ATRNL1: variants seen among roughly 807,000 people sequenced by gnomAD.
ATRNL1 encodes the protein attractin like 1.
Under a neutral mutation model 182.7 loss-of-function variants are expected in ATRNL1, and 95 were observed. That is an observed-to-expected ratio of 0.52 (90% CI 0.44 to 0.62). The LOEUF (loss-of-function observed/expected upper bound fraction) is 0.62, where lower values mean the gene tolerates loss of function less well. Ranked by LOEUF, ATRNL1 falls within the 20% of genes least tolerant of loss-of-function variation. The pLI is 0.00. For missense variants in ATRNL1, 1,471 were observed against 1,679.5 expected, an observed-to-expected ratio of 0.88 and a Z score of 2.17; for synonymous variants, 576 against 568.3, an observed-to-expected ratio of 1.01 and a Z score of -0.19.
intron 21 of ATRNL1, among the ~76,000 whole-genome samples, chr10:115,449,352 A>G (rs1847170470): frequency 6.6e-6 from 1 of 152,116 alleles, no homozygotes; most frequent in African/African-American, 2.4e-5. Flanking sequence ...ACTCCGGGGA[A>G]AGACCACCTT....
At chr10:115,209,189 T>G (rs1490142032) in intron 8 of ATRNL1, among the ~76,000 whole-genome samples, 1 of 151,652 alleles carries the variant, frequency 6.6e-6, no homozygotes, top group Non-Finnish European at 1.5e-5. Flanking sequence ...AGTAAAATAT[T>G]TATTTCTCTT....
At chr10:115,808,756 C>G (rs1024950771) in intron 27 of ATRNL1, among the ~76,000 whole-genome samples, 13 of 152,182 alleles carry the variant, frequency 8.5e-5, no homozygotes, top group Admixed American at 7.9e-4. Flanking sequence ...TTTTCCATTT[C>G]CCTCATGACT....
intron 25 of ATRNL1, among the ~76,000 whole-genome samples, chr10:115,541,199 A>T (rs576926075): frequency 6.6e-6 from 1 of 152,348 alleles, no homozygotes; most frequent in African/African-American, 2.4e-5. Context: ...TATGTAACTC[A>T]TATAAATCAA....
At chr10:115,493,460 G>T (rs1261092912) in intron 24 of ATRNL1, among the ~76,000 whole-genome samples, 2 of 152,026 alleles carry the variant, frequency 1.3e-5, no homozygotes, top group African/African-American at 2.4e-5. Flanking sequence ...TCTTTTTATG[G>T]CTGTATAGTA....
rs1554957681 is a variant in ATRNL1 at position 115,404,229 on chromosome 10, A to G, written c.3269+9477A>G. ...TACCAACACCTTGTCCCTCAAAACT[A>G]TACTAGATTGAATGTCATTTAATCG... On this transcript the variant is annotated intron_variant, in intron 20 of 28. Coordinates refer to ENST00000355044, the MANE Select transcript of ATRNL1 (RefSeq NM_207303.4). Among the ~76,000 whole-genome samples, 6 of 152,190 alleles carry G rather than the reference A, an allele frequency of 3.9e-5. No individual in the cohort carries two copies. The South Asian group carries it at 1.0e-3, about 26-fold the overall frequency.
chr10:115,657,304 G>A (rs1371301537), intron 26 of ATRNL1, among the ~76,000 whole-genome samples: 5 of 152,114 alleles, frequency 3.3e-5, no homozygotes, highest in African/African-American at 1.2e-4. Flanking sequence ...GAAATAGATG[G>A]CTACAGATGC....
rs1264564182 is a variant in ATRNL1, at chr10:115,260,845, AG to A, written c.1688-4345del. 2.0e-5 allele frequency among the ~76,000 whole-genome samples: 3 copies of A among 152,152 alleles called. No homozygotes were observed. The East Asian group carries it at 5.8e-4, about 29-fold the overall frequency. ...TATGAATAATGGACAAATGGAAAAT[AG>A]GGTAAAAAATGAGAAATTTAATATG... On this transcript the variant is annotated intron_variant, in intron 10 of 28. Transcript: ENST00000355044.
chr10:115,526,177 T>C (rs1851207459), intron 25 of ATRNL1, among the ~76,000 whole-genome samples: 2 of 152,272 alleles, frequency 1.3e-5, no homozygotes, highest in South Asian at 4.1e-4. Flanking sequence ...ATATTTCAGG[T>C]TCCTAGGTCT....
chr10:115,493,235 A>T (rs1488635908), intron 24 of ATRNL1, among the ~76,000 whole-genome samples: 2 of 152,054 alleles, frequency 1.3e-5, no homozygotes, highest in Non-Finnish European at 2.9e-5. Context: ...CATAGTACAC[A>T]ATAGGTAGTT....
At chr10:115,571,314 A>G (rs1442150352) in intron 26 of ATRNL1, among the ~76,000 whole-genome samples, 1 of 152,202 alleles carries the variant, frequency 6.6e-6, no homozygotes, top group Admixed American at 6.5e-5. Flanking sequence ...GGAAGGAGTG[A>G]TGAAGAATTT....
chr10:115,150,906 G>A (rs903734378), intron 5 of ATRNL1, among the ~76,000 whole-genome samples: 5 of 152,080 alleles, frequency 3.3e-5, no homozygotes, highest in Admixed American at 1.3e-4. Context: ...TTGGTGTGAT[G>A]TTTCCCTTCC....
intron 28 of ATRNL1, among the ~76,000 whole-genome samples, chr10:115,933,464 G>A (rs979793782): frequency 7.7e-5 from 11 of 143,630 alleles, no homozygotes; most frequent in African/African-American, 2.1e-4. Context: ...ACTTCACAGC[G>A]ATGCTGTGGC....
intron 8 of ATRNL1, among the ~76,000 whole-genome samples, chr10:115,171,768 A>G (rs1477390780): frequency 5.3e-5 from 8 of 152,010 alleles, no homozygotes; most frequent in African/African-American, 1.9e-4. Context: ...AGAGATTATT[A>G]TCTGTTATGT....
chr10:115,792,482 A>C (rs1474917302), intron 27 of ATRNL1, among the ~76,000 whole-genome samples: 1 of 152,044 alleles, frequency 6.6e-6, no homozygotes, highest in Non-Finnish European at 1.5e-5. Flanking sequence ...TTCTGTTGAG[A>C]ATATTGCCGT....
intron 9 of ATRNL1, among the ~76,000 whole-genome samples, chr10:115,234,514 C>T (rs924959478): frequency 1.3e-5 from 2 of 151,364 alleles, no homozygotes; most frequent in Non-Finnish European, 2.9e-5. Context: ...TAATCTAACA[C>T]ATTTAATTTT....
chr10:115,784,646 A>G (rs1359829671), intron 27 of ATRNL1, among the ~76,000 whole-genome samples: 2 of 152,136 alleles, frequency 1.3e-5, no homozygotes, highest in Non-Finnish European at 2.9e-5. Flanking sequence ...AAACCATCCC[A>G]TGCCTCTCTC....
intron 8 of ATRNL1, among the ~76,000 whole-genome samples, chr10:115,212,478 C>T (rs114790101): frequency 0.015 from 2,236 of 151,920 alleles, 52 homozygotes; most frequent in African/African-American, 0.05. Context: ...CCATTCAACT[C>T]AGCAATCCCA....
chr10:115,923,117 A>G (rs1953117091), intron 28 of ATRNL1, among the ~76,000 whole-genome samples: 1 of 152,204 alleles, frequency 6.6e-6, no homozygotes, highest in African/African-American at 2.4e-5. Context: ...GAAGGATTGC[A>G]GTGTTTCTAA....
intron 27 of ATRNL1, among the ~76,000 whole-genome samples, chr10:115,767,332 C>G (rs1555075286): frequency 6.6e-6 from 1 of 152,094 alleles, no homozygotes; most frequent in Non-Finnish European, 1.5e-5. Flanking sequence ...CTTTTCCTCC[C>G]AACAGCCCCA....
Sources: allele counts gnomAD v4.1 joint callset (sites outside exome capture counted in the v4.1 genomes callset), GRCh38; gene constraint gnomAD v4.1.1; transcripts MANE v1.5; gene names NCBI Gene and HGNC (gene_info 2026-07-23, HGNC 2026-07-21).